Variants in CNTNAP2 observed in about 807,000 individuals in gnomAD.
The protein encoded by CNTNAP2 is contactin-associated protein-like 2.
A neutral mutation model predicts 155.2 loss-of-function variants in CNTNAP2; 98 were observed. That is an observed-to-expected ratio of 0.63 (90% confidence interval 0.54 to 0.75). The LOEUF is 0.75. Among genes scored for constraint, CNTNAP2 ranks in the 30% least tolerant of loss-of-function variants. CNTNAP2 has a pLI of 0.00. For synonymous variants in CNTNAP2, 651 were observed against 631.2 expected (o/e 1.03, Z -0.47); for missense variants, 1,727 against 1,688.1 (o/e 1.02, Z -0.40).
intron 1 of CNTNAP2, among the ~76,000 whole-genome samples, chr7:146,717,393 A>G (rs1439411001): frequency 2.6e-5 from 4 of 151,120 alleles, no homozygotes; most frequent in African/African-American, 9.8e-5. Context: ...GGTGCCTGTA[A>G]TCCCAGCTGC....
At chr7:148,049,393 A>G (rs1209590801) in intron 15 of CNTNAP2, among the ~76,000 whole-genome samples, 1 of 152,208 alleles carries the variant, frequency 6.6e-6, no homozygotes, top group Non-Finnish European at 1.5e-5. Context: ...ATATATGTAT[A>G]GAAAGAATTC....
chr7:148,118,571 T>A lies in CNTNAP2; in HGVS notation c.2554+283T>A, dbSNP rs10265509. 0.27 allele frequency among the ~76,000 whole-genome samples: 41,275 copies of A among 152,026 alleles called. 5,782 individuals are homozygous for A. Among genetic ancestry groups the A allele is most frequent in the African/African-American group, 0.35 (14,390 of 41,462 alleles). On this transcript the variant is annotated intron_variant, in intron 16 of 23. Transcript: ENST00000361727. ...GAATGTGGGAGAGGAATGTTTATCTTCAGCTTCATGTCTTGTGTGGCTGTT... is the reference window on the plus strand; with the variant it reads ...GAATGTGGGAGAGGAATGTTTATCTACAGCTTCATGTCTTGTGTGGCTGTT...
intron 8 of CNTNAP2, among the ~76,000 whole-genome samples, chr7:147,137,008 T>C (rs1271381511): frequency 6.6e-6 from 1 of 151,880 alleles, no homozygotes; most frequent in East Asian, 1.9e-4. Flanking sequence ...CTAATTCAAG[T>C]TTAAACCATA....
At chr7:147,780,680 T>C (rs1488247582) in intron 13 of CNTNAP2, among the ~76,000 whole-genome samples, 1 of 152,218 alleles carries the variant, frequency 6.6e-6, no homozygotes, top group Non-Finnish European at 1.5e-5. Context: ...ACAGAACACC[T>C]GTCCAAGCTC....
intron 11 of CNTNAP2, among the ~76,000 whole-genome samples, chr7:147,487,558 G>A (rs947398506): frequency 2.0e-5 from 3 of 152,086 alleles, no homozygotes; most frequent in South Asian, 2.1e-4. Flanking sequence ...CCTGAAATAC[G>A]ATAATGCTAA....
chr7:146,496,259 C>T (rs143810148), intron 1 of CNTNAP2, among the ~76,000 whole-genome samples: 411 of 152,192 alleles, frequency 2.7e-3, no homozygotes, highest in Middle Eastern at 0.017. Flanking sequence ...GCCCACAATA[C>T]GCGTGGACAT....
rs185400528 is a variant in CNTNAP2 at position 146,491,779 on chromosome 7, G to T, written c.98-282492G>T. 2.9e-3 allele frequency among the ~76,000 whole-genome samples: 445 copies of T among 152,226 alleles called. 2 individuals are homozygous for T. The highest frequency in any genetic ancestry group is 5.4e-3 in the Admixed American group (82 of 15,294). On this transcript the variant is annotated intron_variant, in intron 1 of 23. Transcript: ENST00000361727. ...AAAGAAAATATTGATTTTTGATTTT[G>T]AATTAGAAATTGTGGGGTCATCCTC...
Position 146,832,679 on chromosome 7 carries a change from G to GTA in CNTNAP2, c.209-7020_209-7019dup, listed in dbSNP as rs371934317. ...AATTTATAAATATGTACGTGTGTGTGTATATATATATATGTCAACATGGAA... is the reference window on the plus strand; with the variant it reads ...AATTTATAAATATGTACGTGTGTGTGTATATATATATATATGTCAACATGGAA... On this transcript the variant is annotated intron_variant, in intron 2 of 23. Coordinates refer to ENST00000361727, the MANE Select transcript of CNTNAP2 (RefSeq NM_014141.6). Among the ~76,000 whole-genome samples the GTA allele has an allele frequency of 2.8e-3, 420 of 148,556 alleles. 1 individual carries two copies. Among genetic ancestry groups the GTA allele is most frequent in the African/African-American group, 7.2e-3 (293 of 40,586 alleles).
At chr7:147,086,465 TTCTC>T (rs1800281496) in intron 4 of CNTNAP2, among the ~76,000 whole-genome samples, 1 of 152,148 alleles carries the variant, frequency 6.6e-6, no homozygotes, top group African/African-American at 2.4e-5. Flanking sequence ...TGAGACAGAT[TTCTC>T]TCTATCACCC....
At chr7:148,070,478 A>G (rs142765881) in intron 15 of CNTNAP2, among the ~76,000 whole-genome samples, 1,736 of 152,318 alleles carry the variant, frequency 0.011, 34 homozygotes, top group African/African-American at 0.039. Flanking sequence ...AGCACTCGGG[A>G]GGCCGAGGCA....
At chr7:146,452,520 G>A (rs948612111) in intron 1 of CNTNAP2, among the ~76,000 whole-genome samples, 1 of 152,164 alleles carries the variant, frequency 6.6e-6, no homozygotes, top group African/African-American at 2.4e-5. Context: ...TATCTCTAGT[G>A]AAACTTCTCA....
intron 2 of CNTNAP2, among the ~76,000 whole-genome samples, chr7:146,822,544 T>A (rs1803308248): frequency 6.6e-6 from 1 of 151,060 alleles, no homozygotes; most frequent in Non-Finnish European, 1.5e-5. Flanking sequence ...TAATGCTCGT[T>A]GTTTTGTTCC....
intron 3 of CNTNAP2, among the ~76,000 whole-genome samples, chr7:146,858,251 C>T (rs1423125223): frequency 6.6e-6 from 1 of 152,106 alleles, no homozygotes; most frequent in Non-Finnish European, 1.5e-5. Context: ...TATACAGATT[C>T]TCTGCACTCA....
intron 16 of CNTNAP2, among the ~76,000 whole-genome samples, chr7:148,138,809 A>G (rs947128244): frequency 3.9e-5 from 6 of 152,196 alleles, no homozygotes; most frequent in African/African-American, 1.4e-4. Flanking sequence ...TGCAAGTCCT[A>G]CATGGGGTAC....
At chr7:147,613,686 A>G (rs182602567) in intron 12 of CNTNAP2, among the ~76,000 whole-genome samples, 78 of 152,234 alleles carry the variant, frequency 5.1e-4, no homozygotes, top group African/African-American at 1.9e-3. Flanking sequence ...TACTAAAAAT[A>G]CAAAAAATTA....
intron 13 of CNTNAP2, among the ~76,000 whole-genome samples, chr7:147,870,074 A>G (rs995197269): frequency 6.6e-6 from 1 of 152,208 alleles, no homozygotes; most frequent in African/African-American, 2.4e-5. Context: ...TGCCCAAGGT[A>G]ACACAGCTAG....
chr7:146,344,070 T>C (rs1196871310), intron 1 of CNTNAP2, among the ~76,000 whole-genome samples: 2 of 152,182 alleles, frequency 1.3e-5, no homozygotes, highest in African/African-American at 4.8e-5. Context: ...GAAGAAGCTA[T>C]TGTAAAAAGA....
intron 3 of CNTNAP2, among the ~76,000 whole-genome samples, chr7:147,026,986 A>C (rs1407115835): frequency 1.3e-5 from 2 of 149,758 alleles, no homozygotes; most frequent in African/African-American, 4.9e-5. Flanking sequence ...AGGAGGAAAA[A>C]CAAAACAAAA....
intron 15 of CNTNAP2, among the ~76,000 whole-genome samples, chr7:148,104,024 C>T (rs925362791): frequency 1.3e-5 from 2 of 152,144 alleles, no homozygotes; most frequent in African/African-American, 4.8e-5. Context: ...TGCTTTAAAT[C>T]ATCACAAACC....
Sources: gnomAD v4.1 joint callset for allele counts (sites outside exome capture counted in the v4.1 genomes callset) on GRCh38, gnomAD v4.1.1 for gene constraint, MANE v1.5 for transcripts, NCBI Gene and HGNC (gene_info 2026-07-23, HGNC 2026-07-21) for gene names.